The following NUP133 variants were observed in gnomAD, a reference collection of about 807,000 sequenced individuals.
NUP133 encodes nuclear pore complex protein Nup133.
In NUP133, 66 loss-of-function variants were observed where a neutral mutation model predicts 146.2. That is an observed-to-expected ratio of 0.45 (90% CI 0.37 to 0.55). The LOEUF (loss-of-function observed/expected upper bound fraction) is 0.55. Ranked by LOEUF, NUP133 falls within the 20% of genes least tolerant of loss-of-function variation. The probability of loss-of-function intolerance (pLI) is 0.00; values close to 1 mark genes in which losing one functional copy is unlikely to be tolerated. For synonymous variants in NUP133, 521 were observed against 498.8 expected, an observed-to-expected ratio of 1.04 and a Z score of -0.59; for missense variants, 1,277 against 1,374.8, an observed-to-expected ratio of 0.93 and a Z score of 1.12.
At chr1:229,472,008 G>A (rs1436444842) in intron 14 of NUP133, among the ~76,000 whole-genome samples, 1 of 152,018 alleles carries the variant, frequency 6.6e-6, no homozygotes, top group Non-Finnish European at 1.5e-5. Flanking sequence ...TTTATTTCCT[G>A]GTTCCCTCAA....
At chr1:229,490,688 T>A (rs951653685) in intron 8 of NUP133, among the ~76,000 whole-genome samples, 1 of 152,110 alleles carries the variant, frequency 6.6e-6, no homozygotes, top group African/African-American at 2.4e-5. Context: ...TAGGGCCAGG[T>A]GCGGTGGCTC....
chr1:229,500,807 G>A lies in NUP133; in HGVS notation c.462C>T (p.Asp154=). 6.2e-7 allele frequency: 1 copy of A among 1,613,268 alleles called. No homozygotes were observed. ...LPPSDFHWSA[D]LVALSYSSPS... is the part of the protein sequence containing the mutation. The stretch of plus-strand genomic sequence containing the variant: ...GAGAAGAGTAAGAAAGAGCCACTAA[G>A]TCGGCACTCCAGTGGAAATCACTAG... The change falls in exon 4 of 26, where the codon GAC becomes GAT. Residue 154 remains aspartate, a synonymous_variant. Coordinates refer to ENST00000261396, the MANE Select transcript of NUP133 (RefSeq NM_018230.3).
intron 12 of NUP133, among the ~76,000 whole-genome samples, chr1:229,481,168 A>G (rs146281265): frequency 2.0e-5 from 3 of 152,198 alleles, no homozygotes; most frequent in African/African-American, 7.2e-5. Flanking sequence ...CAGCTGTGCT[A>G]CAGGGCCCAT....
At chr1:229,489,040 C>A (rs1182822843) in intron 9 of NUP133, among the ~76,000 whole-genome samples, 1 of 152,186 alleles carries the variant, frequency 6.6e-6, no homozygotes, top group African/African-American at 2.4e-5. Context: ...CAGAACACTG[C>A]TGAATACAAA....
At chr1:229,500,327 T>A (rs1661765542) in intron 4 of NUP133, among the ~76,000 whole-genome samples, 1 of 152,202 alleles carries the variant, frequency 6.6e-6, no homozygotes, top group Non-Finnish European at 1.5e-5. Context: ...TTTCTTCTGT[T>A]TTCTTCTAAA....
intron 24 of NUP133, 98 bp downstream of exon 24, chr1:229,449,028 C>G: frequency 1.1e-6 from 1 of 909,824 alleles, no homozygotes; most frequent in Non-Finnish European, 1.8e-6. Flanking sequence ...CCCAACACGT[C>G]TGGTCACAGA....
At chr1:229,474,974 A>C (rs2096767525) in intron 14 of NUP133, among the ~76,000 whole-genome samples, 1 of 152,064 alleles carries the variant, frequency 6.6e-6, no homozygotes, top group Non-Finnish European at 1.5e-5. Flanking sequence ...GCATGGTGGC[A>C]CAAACCTGTA....
At chr1:229,473,429 C>T (rs979912633) in intron 14 of NUP133, among the ~76,000 whole-genome samples, 2 of 152,132 alleles carry the variant, frequency 1.3e-5, no homozygotes, top group South Asian at 2.1e-4. Flanking sequence ...AGGACAGATA[C>T]TGCTACCAGC....
At chr1:229,495,430 T>C in intron 8 of NUP133, 65 bp downstream of exon 8, 1 of 1,109,292 alleles carries the variant, frequency 9.0e-7, no homozygotes, top group Non-Finnish European at 1.4e-6. Context: ...ATCATTTTAT[T>C]ATAAACATCA....
Position 229,449,043 on chromosome 1 carries a change from T to C in NUP133, c.3245+83A>G, listed in dbSNP as rs543637571. 2.9e-6 allele frequency: 3 copies of C among 1,047,234 alleles called. No homozygotes were observed. The African/African-American group carries it at 4.7e-5, about 16-fold the overall frequency. 64.9% of individuals were successfully genotyped at this position (1,047,234 alleles called of 1,614,324 possible). Reference sequence around the variant, plus strand: ...CCCAACACGTCTGGTCACAGAAGTCTTCTGTTATTGACTGTCATGTGGTGA... The same window carrying C: ...CCCAACACGTCTGGTCACAGAAGTCCTCTGTTATTGACTGTCATGTGGTGA... On this transcript the variant is annotated intron_variant, in intron 24 of 25. Coordinates refer to ENST00000261396, the MANE Select transcript of NUP133 (RefSeq NM_018230.3).
At position 229,463,556 on chromosome 1, in the gene NUP133, T is replaced by C; in HGVS notation, c.2672A>G (p.Gln891Arg). ...AACACTCATCACCTGATCAGCAAAC[T>C]GGGTCATGTAGCGCTGGAGTCGGCT... ...NQSRLQRYMT[Q>R]FADQNFSDFL... Residue 891 changes from glutamine (Q) to arginine (R), a missense_variant, in exon 19 of 26, where the codon CAG (glutamine) becomes CGG (arginine). By Grantham distance (43) the Gln-to-Arg change is conservative. Coordinates refer to ENST00000261396, the MANE Select transcript of NUP133 (RefSeq NM_018230.3). The C allele has an allele frequency of 6.2e-7, 1 of 1,613,666 alleles. No individual in the cohort carries two copies. The highest frequency in any genetic ancestry group is 2.2e-5 in the East Asian group (1 of 44,866).
At chr1:229,500,668 T>C in intron 4 of NUP133, 88 bp downstream of exon 4, 1 of 731,656 alleles carries the variant, frequency 1.4e-6, no homozygotes, top group African/African-American at 1.8e-5. Context: ...TTTATAGTTA[T>C]ATCTCAAAAT....
At chr1:229,495,741 T>C (rs1055295090) in intron 7 of NUP133, 151 bp downstream of exon 7, 6 of 885,962 alleles carry the variant, frequency 6.8e-6, no homozygotes, top group East Asian at 5.2e-5. Flanking sequence ...TTTCTGGAGA[T>C]TGACTAACCC....
At chr1:229,486,299 G>A (rs1480227617) in intron 11 of NUP133, 72 bp downstream of exon 11, 1 of 1,361,642 alleles carries the variant, frequency 7.3e-7, no homozygotes, top group African/African-American at 1.9e-5. Context: ...TCTAGCCTGG[G>A]TGACAGCGTG....
chr1:229,497,443 T>G (rs1046084334), intron 6 of NUP133, among the ~76,000 whole-genome samples: 16 of 152,190 alleles, frequency 1.1e-4, no homozygotes, highest in African/African-American at 3.9e-4. Flanking sequence ...AGTTTAGGTT[T>G]AAAGAACATT....
intron 19 of NUP133, among the ~76,000 whole-genome samples, chr1:229,461,885 A>AC (rs1660699793): frequency 6.7e-6 from 1 of 150,152 alleles, no homozygotes; most frequent in East Asian, 1.9e-4. Context: ...CCAACTACTG[A>AC]CCTTTTTTTT....
chr1:229,472,707 C>CATATATATATATATATAT lies in NUP133; in HGVS notation c.1852-1921_1852-1904dup, dbSNP rs372362492. Among the ~76,000 whole-genome samples, 176 of 124,264 alleles carry CATATATATATATATATAT rather than the reference C, an allele frequency of 1.4e-3. 6 individuals are homozygous for CATATATATATATATATAT. Among genetic ancestry groups the CATATATATATATATATAT allele is most frequent in the Middle Eastern group, 4.5e-3 (1 of 220 alleles). The allele number at this position is 124,264 out of a possible 152,430, so 81.5% of individuals were successfully genotyped here. A position where few individuals can be genotyped will look rare whatever the true frequency, so the allele number is the denominator to read the frequency against. ...CAAAAAAATTAAAAAACTAAATATA[C>CATATATATATATATATAT]ATATATATATATATATATATGTACA... On this transcript the variant is annotated intron_variant, in intron 14 of 25. Transcript: ENST00000261396.
intron 25 of NUP133, among the ~76,000 whole-genome samples, chr1:229,444,339 G>C (rs1292905653): frequency 2.1e-5 from 3 of 145,974 alleles, no homozygotes; most frequent in Non-Finnish European, 4.6e-5. Flanking sequence ...TCAAAAAAAA[G>C]AAAAAAAAAA....
chr1:229,495,777 C>T (rs1298394521), intron 7 of NUP133, 115 bp downstream of exon 7: 3 of 991,334 alleles, frequency 3.0e-6, no homozygotes, highest in Middle Eastern at 2.7e-4. Flanking sequence ...GATAACCATA[C>T]ACTATGTTGT....
Sources: gnomAD v4.1 joint callset for allele counts (sites outside exome capture counted in the v4.1 genomes callset) on GRCh38, gnomAD v4.1.1 for gene constraint, MANE v1.5 for transcripts, NCBI Gene and HGNC (gene_info 2026-07-23, HGNC 2026-07-21) for gene names.